USP25: variants seen among roughly 807,000 people sequenced by gnomAD.
USP25 encodes the protein ubiquitin specific peptidase 25.
In USP25, 85 loss-of-function variants were observed where a neutral mutation model predicts 158.5. The observed-to-expected ratio is 0.54, with a 90% CI of 0.45 to 0.64. The LOEUF (loss-of-function observed/expected upper bound fraction) is 0.64, where lower values mean the gene tolerates loss of function less well. Among genes scored for constraint, USP25 ranks in the 30% least tolerant of loss-of-function variants. USP25 has a pLI of 0.00. For synonymous variants in USP25, 464 were observed against 460.4 expected (o/e 1.01, Z -0.10); for missense variants, 1,242 against 1,327.3 (o/e 0.94, Z 1.00).
intron 3 of USP25, among the ~76,000 whole-genome samples, chr21:15,774,350 A>G (rs190946913): frequency 6.6e-6 from 1 of 152,320 alleles, no homozygotes; most frequent in African/African-American, 2.4e-5. Flanking sequence ...CACCACTCAT[A>G]TACAAGCCTT....
intron 3 of USP25, among the ~76,000 whole-genome samples, chr21:15,767,169 C>CA (rs1273449297): frequency 6.6e-6 from 1 of 152,048 alleles, no homozygotes; most frequent in Non-Finnish European, 1.5e-5. Context: ...TTTCTAGCCT[C>CA]ATTTTCCACT....
intron 18 of USP25, among the ~76,000 whole-genome samples, chr21:15,846,705 A>G (rs1399978040): frequency 6.6e-6 from 1 of 152,218 alleles, no homozygotes; most frequent in Admixed American, 6.5e-5. Flanking sequence ...CAATTCAGTT[A>G]CTTAAGTTGT....
chr21:15,794,811 T>G, intron 5 of USP25, among the ~76,000 whole-genome samples: 1 of 151,414 alleles, frequency 6.6e-6, no homozygotes, highest in Non-Finnish European at 1.5e-5. Context: ...TACTCTATAT[T>G]ATATATATAA....
intron 3 of USP25, among the ~76,000 whole-genome samples, chr21:15,773,519 T>G (rs999736093): frequency 1.3e-5 from 2 of 152,184 alleles, no homozygotes; most frequent in African/African-American, 2.4e-5. Flanking sequence ...TACCTATTAT[T>G]GTACACATAC....
intron 20 of USP25, among the ~76,000 whole-genome samples, chr21:15,859,428 C>T (rs1356174620): frequency 6.6e-6 from 1 of 152,084 alleles, no homozygotes; most frequent in Non-Finnish European, 1.5e-5. Flanking sequence ...ATCTTCTGAC[C>T]TCGTGATCTG....
At chr21:15,862,744 T>A (rs1408788667) in intron 20 of USP25, among the ~76,000 whole-genome samples, 1 of 123,664 alleles carries the variant, frequency 8.1e-6, no homozygotes, top group Non-Finnish European at 1.5e-5. Context: ...GACATGTATA[T>A]CCTCAAAAAA....
intron 22 of USP25, among the ~76,000 whole-genome samples, chr21:15,869,659 TTAAG>T (rs1392383397): frequency 1.3e-5 from 2 of 152,198 alleles, no homozygotes; most frequent in Non-Finnish European, 2.9e-5. Flanking sequence ...AAATTATGTA[TTAAG>T]TATGTGTCCA....
chr21:15,854,779 C>T (rs931423007), intron 20 of USP25, among the ~76,000 whole-genome samples: 2 of 152,052 alleles, frequency 1.3e-5, no homozygotes, highest in Non-Finnish European at 2.9e-5. Flanking sequence ...CATCATCCCA[C>T]GTGAACGTCT....
chr21:15,821,501 G>A (rs2037234251), intron 10 of USP25, among the ~76,000 whole-genome samples: 1 of 151,872 alleles, frequency 6.6e-6, no homozygotes, highest in African/African-American at 2.4e-5. Flanking sequence ...CCTTCACAAA[G>A]TTGTACCAAG....
At chr21:15,867,723 AG>A (rs1249181849) in intron 22 of USP25, among the ~76,000 whole-genome samples, 7 of 152,264 alleles carry the variant, frequency 4.6e-5, no homozygotes, top group African/African-American at 1.7e-4. Flanking sequence ...CAGTAAAAAA[AG>A]TATGAGAAAG....
At chr21:15,857,940 T>C (rs920543545) in intron 20 of USP25, among the ~76,000 whole-genome samples, 4 of 152,080 alleles carry the variant, frequency 2.6e-5, no homozygotes, top group Admixed American at 6.5e-5. Context: ...TTGACACATA[T>C]ACTAAATCAT....
chr21:15,800,066 C>T (rs776038213), intron 6 of USP25, among the ~76,000 whole-genome samples: 1 of 150,816 alleles, frequency 6.6e-6, no homozygotes, highest in Non-Finnish European at 1.5e-5. Flanking sequence ...TTTTTGGTGT[C>T]GCTTTAGTAA....
intron 19 of USP25, among the ~76,000 whole-genome samples, chr21:15,848,745 C>G (rs895233411): frequency 2.0e-5 from 3 of 151,920 alleles, no homozygotes; most frequent in Non-Finnish European, 4.4e-5. Context: ...AAATCACACG[C>G]CATAAAGAGA....
chr21:15,819,342 A>G (rs968520708), intron 10 of USP25, among the ~76,000 whole-genome samples: 9 of 152,172 alleles, frequency 5.9e-5, no homozygotes, highest in Admixed American at 2.6e-4. Context: ...TTGTTAACTT[A>G]TATGTCTACC....
rs372436319 is a variant in USP25, at chr21:15,769,525, T to C, written c.268+3384T>C. Among the ~76,000 whole-genome samples, 16 of 152,276 alleles carry C rather than the reference T, an allele frequency of 1.1e-4. No individual in the cohort carries two copies. The East Asian group carries it at 1.7e-3, about 17-fold the overall frequency. On this transcript the variant is annotated intron_variant, in intron 3 of 25. Coordinates refer to ENST00000400183, the MANE Select transcript of USP25 (RefSeq NM_001283041.3). ...TTGTCAAATGAGTGCCTGTTGTCCC[T>C]GGCTTAAATTGAGAATAAAATTGTT...
intron 1 of USP25, among the ~76,000 whole-genome samples, chr21:15,736,642 A>G (rs1269694932): frequency 6.6e-6 from 1 of 151,594 alleles, no homozygotes; most frequent in African/African-American, 2.4e-5. Context: ...AATTTTGATA[A>G]TATAAAACAT....
At chr21:15,811,110 A>G in intron 8 of USP25, 27 bp from the exon 9 acceptor site, 2 of 1,584,690 alleles carry the variant, frequency 1.3e-6, no homozygotes, top group Non-Finnish European at 1.7e-6. Flanking sequence ...AATTGTAATC[A>G]CATTTATATT....
chr21:15,789,017 C>G (rs1189563892), intron 4 of USP25, among the ~76,000 whole-genome samples: 1 of 152,010 alleles, frequency 6.6e-6, no homozygotes, highest in Non-Finnish European at 1.5e-5. Context: ...CTTTCTTGCC[C>G]TTCCAACTTC....
chr21:15,810,509 C>T (rs572451797), intron 8 of USP25, among the ~76,000 whole-genome samples: 1 of 152,046 alleles, frequency 6.6e-6, no homozygotes, highest in African/African-American at 2.4e-5. Flanking sequence ...TTTGTTTGCT[C>T]CAAGCAGAAA....
Sources: gnomAD v4.1 joint callset for allele counts (sites outside exome capture counted in the v4.1 genomes callset) on GRCh38, gnomAD v4.1.1 for gene constraint, MANE v1.5 for transcripts, NCBI Gene and HGNC (gene_info 2026-07-23, HGNC 2026-07-21) for gene names.